Variants in INTS9 observed in about 807,000 individuals in gnomAD.
The protein encoded by INTS9 is integrator complex subunit 9.
A neutral mutation model predicts 79.7 loss-of-function variants in INTS9; 55 were observed. That is an observed-to-expected ratio of 0.69 (90% confidence interval 0.56 to 0.86). INTS9 has a LOEUF of 0.86. INTS9 is among the 40% of genes least tolerant of loss of function. The probability of loss-of-function intolerance (pLI) is 0.00; values close to 1 mark genes in which losing one functional copy is unlikely to be tolerated. For missense variants in INTS9, 721 were observed against 831.5 expected (o/e 0.87, Z 1.64); for synonymous variants, 319 against 325.2 (o/e 0.98, Z 0.20).
intron 10 of INTS9, among the ~76,000 whole-genome samples, chr8:28,791,306 C>A (rs79422486): frequency 2.0e-5 from 3 of 152,132 alleles, no homozygotes; most frequent in African/African-American, 7.2e-5. Context: ...ATGAATCCCC[C>A]CCATGGACAG....
chr8:28,805,110 T>C (rs1325572863), intron 8 of INTS9, among the ~76,000 whole-genome samples: 1 of 152,200 alleles, frequency 6.6e-6, no homozygotes, highest in Non-Finnish European at 1.5e-5. Flanking sequence ...TTGGAAGATC[T>C]CACAGATACT....
rs745916741 is a variant in INTS9, at chr8:28,768,235, C to T, written c.1888G>A (p.Glu630Lys). 3 of 1,614,172 alleles carry T rather than the reference C, an allele frequency of 1.9e-6. No homozygotes were observed. The highest frequency in any genetic ancestry group is 2.5e-6 in the Non-Finnish European group (3 of 1,180,038). Residue 630 changes from glutamate to lysine, a missense_variant, in exon 17 of 17, where the codon GAA (glutamate) becomes AAA (lysine). Glu to Lys is a moderately conservative substitution (Grantham distance 56). Around this residue, in one of 3 missense-constraint regions of INTS9, gnomAD observed 281 missense variants for 300.8 expected, o/e 0.93. Transcript: ENST00000521022. ...QEAETLIQIE[E>K]DSTHIICDND... ...TCGCAGATGATATGGGTCGAGTCTT[C>T]TTCAATCTGGATGAGCGTCTCAGCC... is the stretch of plus-strand genomic sequence containing the variant.
intron 11 of INTS9, among the ~76,000 whole-genome samples, chr8:28,785,809 A>G (rs1803550825): frequency 6.6e-6 from 1 of 152,198 alleles, no homozygotes; most frequent in Non-Finnish European, 1.5e-5. Flanking sequence ...CTGTATCTAC[A>G]TATATTGAAA....
intron 2 of INTS9, among the ~76,000 whole-genome samples, chr8:28,856,399 G>A (rs1421896345): frequency 6.6e-6 from 1 of 152,004 alleles, no homozygotes; most frequent in Non-Finnish European, 1.5e-5. Flanking sequence ...AAGGTTTGAG[G>A]GCATGTTGAA....
chr8:28,846,227 A>G (rs944737612), intron 4 of INTS9, among the ~76,000 whole-genome samples: 3 of 152,224 alleles, frequency 2.0e-5, no homozygotes, highest in Non-Finnish European at 2.9e-5. Context: ...TGAAAGGATG[A>G]AACTGGCCCC....
chr8:28,884,474 G>A (rs1386539958), intron 1 of INTS9, among the ~76,000 whole-genome samples: 1 of 152,058 alleles, frequency 6.6e-6, no homozygotes, highest in Admixed American at 6.5e-5. Flanking sequence ...GTGAGCCACT[G>A]TGCTTGGCCC....
At chr8:28,826,779 C>T (rs1385422566) in intron 6 of INTS9, among the ~76,000 whole-genome samples, 1 of 152,192 alleles carries the variant, frequency 6.6e-6, no homozygotes, top group African/African-American at 2.4e-5. Context: ...CATTTGGCAT[C>T]TATTTTTTTG....
chr8:28,777,246 C>T (rs1475800392), intron 13 of INTS9, among the ~76,000 whole-genome samples: 1 of 152,104 alleles, frequency 6.6e-6, no homozygotes, highest in Non-Finnish European at 1.5e-5. Context: ...TTGCCAATTC[C>T]AGTTCCTCTC....
At chr8:28,787,940 A>G in intron 10 of INTS9, 51 bp from the exon 11 acceptor site, 1 of 1,326,198 alleles carries the variant, frequency 7.5e-7, no homozygotes, top group Non-Finnish European at 1.1e-6. Context: ...ATACGGTGGC[A>G]TCTGTTGCCA....
intron 1 of INTS9, among the ~76,000 whole-genome samples, chr8:28,877,872 C>T (rs1391198869): frequency 2.6e-5 from 4 of 152,030 alleles, no homozygotes; most frequent in Non-Finnish European, 5.9e-5. Flanking sequence ...ATCTTTCAGG[C>T]AAATATCCAC....
At chr8:28,888,388 CA>C (rs921363779) in intron 1 of INTS9, among the ~76,000 whole-genome samples, 1 of 151,794 alleles carries the variant, frequency 6.6e-6, no homozygotes, top group Admixed American at 6.6e-5. Context: ...CCCATTTCTA[CA>C]AAAAAAATAA....
chr8:28,885,262 T>C (rs528027127), intron 1 of INTS9, among the ~76,000 whole-genome samples: 2 of 152,336 alleles, frequency 1.3e-5, no homozygotes, highest in South Asian at 4.1e-4. Context: ...GCATGTAATT[T>C]TCTCCTTCAA....
At chr8:28,876,336 T>C (rs1439858302) in intron 1 of INTS9, among the ~76,000 whole-genome samples, 1 of 152,182 alleles carries the variant, frequency 6.6e-6, no homozygotes, top group African/African-American at 2.4e-5. Context: ...ATAAAATCCA[T>C]TGTTTACTCA....
chr8:28,837,882 C>A, intron 4 of INTS9, 106 bp from the exon 5 acceptor site: 2 of 1,095,838 alleles, frequency 1.8e-6, no homozygotes, highest in Admixed American at 4.3e-5. Context: ...TTTTGTATTG[C>A]AGAATAATGA....
intron 6 of INTS9, among the ~76,000 whole-genome samples, chr8:28,822,151 G>T (rs1805869141): frequency 6.6e-6 from 1 of 152,130 alleles, no homozygotes; most frequent in African/African-American, 2.4e-5. Context: ...CTGATAGAAA[G>T]CTTGGGAAAT....
intron 1 of INTS9, among the ~76,000 whole-genome samples, chr8:28,881,335 G>C (rs1225891486): frequency 7.9e-6 from 1 of 126,360 alleles, no homozygotes; most frequent in African/African-American, 3.1e-5. Context: ...CAGCCGCCCC[G>C]TCCGGGAGGT....
chr8:28,776,156 ATCTT>A (rs1802865194), intron 13 of INTS9: 1 of 436,200 alleles, frequency 2.3e-6, no homozygotes. Context: ...AGCTTAATTT[ATCTT>A]TCTTACTCTT....
chr8:28,862,297 T>G (rs1305130246), intron 1 of INTS9: 1 of 884,664 alleles, frequency 1.1e-6, no homozygotes, highest in African/African-American at 1.8e-5. Context: ...TATTCCATCT[T>G]TTTTCATATT....
chr8:28,828,969 C>T (rs552036891), intron 6 of INTS9, among the ~76,000 whole-genome samples: 4 of 152,248 alleles, frequency 2.6e-5, no homozygotes, highest in African/African-American at 9.6e-5. Context: ...AGGCATGAGC[C>T]ACCACGCCCA....
Sources: gnomAD v4.1 joint callset for allele counts (sites outside exome capture counted in the v4.1 genomes callset) on GRCh38, gnomAD v4.1.1 for gene constraint, gnomAD v4.1.1 regional missense constraint, MANE v1.5 for transcripts, NCBI Gene and HGNC (gene_info 2026-07-23, HGNC 2026-07-21) for gene names.